The following ZNF410 variants were observed in gnomAD, a reference collection of about 807,000 sequenced individuals.
The protein encoded by ZNF410 is another partner for ARF 1.
A neutral mutation model predicts 54.8 loss-of-function variants in ZNF410; 18 were observed. That is an observed-to-expected ratio of 0.33 (90% CI 0.23 to 0.49). The LOEUF (loss-of-function observed/expected upper bound fraction) is 0.49. ZNF410 is among the 20% of genes least tolerant of loss of function. The pLI is 0.99. For synonymous variants in ZNF410, 191 were observed against 207.3 expected, an observed-to-expected ratio of 0.92 and a Z score of 0.68; for missense variants, 405 against 569.6, an observed-to-expected ratio of 0.71 and a Z score of 2.94.
At chr14:73,915,211 G>A (rs1395088376) in intron 8 of ZNF410, among the ~76,000 whole-genome samples, 5 of 148,770 alleles carry the variant, frequency 3.4e-5, no homozygotes, top group South Asian at 4.3e-4. Context: ...GCAGTGAGTC[G>A]AGATCGCGCC....
chr14:73,899,347 C>T (rs983072752), intron 5 of ZNF410, among the ~76,000 whole-genome samples: 2 of 151,168 alleles, frequency 1.3e-5, no homozygotes, highest in Non-Finnish European at 2.9e-5. Flanking sequence ...GACTCAGGGT[C>T]TCCTCCTGCC....
At chr14:73,918,992 CCGGCCTTTTTTT>C (rs2055713766) in intron 8 of ZNF410, among the ~76,000 whole-genome samples, 1 of 139,054 alleles carries the variant, frequency 7.2e-6, no homozygotes, top group Admixed American at 7.7e-5. Flanking sequence ...GCCACCGTGC[CCGGCCTTTTTTT>C]TTTTTTTTTT....
chr14:73,917,475 G>T (rs571187512), intron 8 of ZNF410, among the ~76,000 whole-genome samples: 28 of 152,184 alleles, frequency 1.8e-4, no homozygotes, highest in Admixed American at 1.2e-3. Flanking sequence ...ACAAGCAAAT[G>T]CAGGTTATTT....
chr14:73,896,524 A>G lies in ZNF410; in HGVS notation c.378A>G (p.Leu126=). 2.5e-6 allele frequency: 4 copies of G among 1,613,948 alleles called. No homozygotes were observed. The highest frequency in any genetic ancestry group is 3.4e-6 in the Non-Finnish European group (4 of 1,179,966). ...GCACTTCTTTTATTCTTCTTAACCT[A>G]ACAAGAGCAGGTATTCTTTCCTTTT... ...SDSTSFILLN[L]TRAGLGSSAE... is the part of the protein sequence containing the mutation. Residue 126 remains leucine, a synonymous_variant, in exon 4 of 12, where the codon CTA becomes CTG. Transcript: ENST00000555044.
chr14:73,892,982 T>C, intron 2 of ZNF410, among the ~76,000 whole-genome samples: 1 of 152,060 alleles, frequency 6.6e-6, no homozygotes, highest in South Asian at 2.1e-4. Flanking sequence ...CTTGGGAGGC[T>C]GAGGCAGGAG....
In ZNF410 at chr14:73,923,483, A is replaced by C. The variant is rs377086710; in HGVS notation, c.1359A>C (p.Ser453=). The change falls in exon 11 of 12, where the codon TCA becomes TCC. Residue 453 remains serine (S), a synonymous_variant. Coordinates refer to ENST00000555044, the MANE Select transcript of ZNF410 (RefSeq NM_021188.3). The part of the protein sequence containing the change: ...HLVTMQSGRQ[S]YEVSVLTAVN... The stretch of plus-strand genomic sequence containing the variant: ...TGACCATGCAGTCAGGGAGGCAATC[A>C]TATGAAGTTTCTGTCTTAACTGCAG... 6 of 1,613,936 alleles carry C rather than the reference A, an allele frequency of 3.7e-6. No homozygotes were observed. The highest frequency in any genetic ancestry group is 5.1e-6 in the Non-Finnish European group (6 of 1,179,918).
chr14:73,916,534 A>T (rs1369628735), intron 8 of ZNF410: 1 of 151,946 alleles, frequency 6.6e-6, no homozygotes, highest in South Asian at 2.1e-4. Flanking sequence ...GACATGACCC[A>T]TTTGTCTTGT....
At chr14:73,929,069 A>C (rs1219585196) in intron 11 of ZNF410, among the ~76,000 whole-genome samples, 2 of 152,254 alleles carry the variant, frequency 1.3e-5, no homozygotes, top group Admixed American at 1.3e-4. Flanking sequence ...TCCTGGATGT[A>C]GCTCAAAATC....
chr14:73,919,677 C>T (rs2055725384), intron 8 of ZNF410, among the ~76,000 whole-genome samples: 2 of 152,022 alleles, frequency 1.3e-5, no homozygotes, highest in Non-Finnish European at 2.9e-5. Flanking sequence ...TTTTCTGTAT[C>T]GTATTTACCA....
At chr14:73,897,903 C>T (rs776383286) in intron 4 of ZNF410, among the ~76,000 whole-genome samples, 168 bp from the exon 5 acceptor site, 5 of 134,868 alleles carry the variant, frequency 3.7e-5, no homozygotes, top group Admixed American at 8.5e-5. Flanking sequence ...ACCTGGGAAG[C>T]GGAGGTTGCA....
intron 7 of ZNF410, 35 bp downstream of exon 7, chr14:73,905,118 G>C: frequency 6.3e-7 from 1 of 1,588,484 alleles, no homozygotes; most frequent in Non-Finnish European, 8.6e-7. Flanking sequence ...TGGGCAGTCT[G>C]CTCCTTGGCT....
chr14:73,926,468 T>TCAGTCTCAAGA (rs2055834906), intron 11 of ZNF410, among the ~76,000 whole-genome samples: 6 of 152,308 alleles, frequency 3.9e-5, no homozygotes, highest in Admixed American at 3.9e-4. Context: ...AGTCTCACTC[T>TCAGTCTCAAGA]GTGGCCCAGG....
At chr14:73,914,054 T>C (rs952864519) in intron 8 of ZNF410, 1 of 152,320 alleles carries the variant, frequency 6.6e-6, no homozygotes, top group Admixed American at 6.5e-5. Flanking sequence ...TTGCTTTTTT[T>C]TGAGACATGG....
At chr14:73,920,869 G>A in intron 8 of ZNF410, 111 bp from the exon 9 acceptor site, 1 of 1,407,168 alleles carries the variant, frequency 7.1e-7, no homozygotes, top group Non-Finnish European at 9.7e-7. Context: ...ATGGGAAAAG[G>A]AGCAGCTGCT....
chr14:73,898,146 G>A lies in ZNF410; in HGVS notation c.464G>A (p.Ser155Asn). ...GATTCAGGGAATGATTTCCTCTCCA[G>A]TGAGAGCACAGACAGTAGCATTCCA... ...AEDSGNDFLS[S>N]ESTDSSIPWF... The change falls in exon 5 of 12, where the codon AGT becomes AAT. Residue 155 changes from serine (S) to asparagine (N), a missense_variant. Physicochemically the swap from Ser to Asn is conservative, Grantham distance 46 (BLOSUM62 1). This residue lies in a region of ZNF410 where 247 missense variants were observed against 342.8 expected (regional missense o/e 0.72). Transcript: ENST00000555044. 1 of 1,614,174 alleles carries A rather than the reference G, an allele frequency of 6.2e-7. No individual in the cohort carries two copies. The highest frequency in any genetic ancestry group is 8.5e-7 in the Non-Finnish European group (1 of 1,180,044).
At chr14:73,897,846 C>T (rs1283524185) in intron 4 of ZNF410, among the ~76,000 whole-genome samples, 1 of 151,902 alleles carries the variant, frequency 6.6e-6, no homozygotes, top group Non-Finnish European at 1.5e-5. Flanking sequence ...GTGGTGCATG[C>T]CTGTAATCCC....
At chr14:73,921,631 C>T (rs1357099228) in intron 9 of ZNF410, among the ~76,000 whole-genome samples, 3 of 152,146 alleles carry the variant, frequency 2.0e-5, no homozygotes, top group Admixed American at 1.3e-4. Flanking sequence ...GCAGGTGCCA[C>T]CACACCTGGC....
chr14:73,923,503 C>A lies in ZNF410; in HGVS notation c.1379C>A (p.Thr460Asn). 6.2e-7 allele frequency: 1 copy of A among 1,613,218 alleles called. No homozygotes were observed. The highest frequency in any genetic ancestry group is 8.5e-7 in the Non-Finnish European group (1 of 1,179,626). The change falls in exon 11 of 12, where the codon ACT (threonine) becomes AAT (asparagine). Residue 460 changes from threonine (T) to asparagine (N), a missense_variant. Physicochemically the swap from Thr to Asn is moderately conservative, Grantham distance 65 (BLOSUM62 0). Around this residue, in one of 3 missense-constraint regions of ZNF410, gnomAD observed 127 missense variants for 141.3 expected, o/e 0.90. Transcript: ENST00000555044. ...GRQSYEVSVLTAVNPQELLNQ... is the reference protein window; with the variant it reads ...GRQSYEVSVLNAVNPQELLNQ... ...CAATCATATGAAGTTTCTGTCTTAA[C>A]TGCAGTAAATCCACAAGAGGTAAAG... is the stretch of plus-strand genomic sequence containing the variant.
intron 1 of ZNF410, among the ~76,000 whole-genome samples, chr14:73,890,467 C>T (rs939262350): frequency 2.0e-5 from 3 of 152,088 alleles, no homozygotes; most frequent in Non-Finnish European, 1.5e-5. Flanking sequence ...GGTTTACAGG[C>T]GTGAGCCACC....
Sources: allele counts gnomAD v4.1 joint callset (sites outside exome capture counted in the v4.1 genomes callset), GRCh38; gene constraint gnomAD v4.1.1; regional missense constraint gnomAD v4.1.1; transcripts MANE v1.5; gene names NCBI Gene and HGNC (gene_info 2026-07-23, HGNC 2026-07-21).